PRKCB: variants seen among roughly 807,000 people sequenced by gnomAD.
PRKCB encodes the protein protein kinase C beta.
In PRKCB, 13 loss-of-function variants were observed where a neutral mutation model predicts 81.5. That is an observed-to-expected ratio of 0.16 (90% CI 0.10 to 0.25). The LOEUF (loss-of-function observed/expected upper bound fraction) is 0.25. PRKCB is among the 10% of genes least tolerant of loss of function. PRKCB has a pLI of 1.00. For synonymous variants in PRKCB, 335 were observed against 321.4 expected (o/e 1.04, Z -0.45); for missense variants, 509 against 875.7 (o/e 0.58, Z 5.29).
intron 16 of PRKCB, among the ~76,000 whole-genome samples, chr16:24,194,372 C>A (rs1967848302): frequency 6.6e-6 from 1 of 151,380 alleles, no homozygotes; most frequent in South Asian, 2.1e-4. Context: ...AAAAAAAAAA[C>A]CTCACAATTT....
chr16:23,842,203 C>T (rs1306155810), intron 2 of PRKCB, among the ~76,000 whole-genome samples: 1 of 152,062 alleles, frequency 6.6e-6, no homozygotes, highest in Non-Finnish European at 1.5e-5. Flanking sequence ...CTGATGGAGC[C>T]GCTTACTCCC....
At chr16:24,112,693 A>G (rs149457907) in intron 7 of PRKCB, among the ~76,000 whole-genome samples, 1 of 152,328 alleles carries the variant, frequency 6.6e-6, no homozygotes, top group South Asian at 2.1e-4. Flanking sequence ...GTAAGTGTGT[A>G]TAGAGAGAGA....
intron 9 of PRKCB, among the ~76,000 whole-genome samples, chr16:24,139,005 C>T (rs1966877146): frequency 6.6e-6 from 1 of 151,954 alleles, no homozygotes; most frequent in African/African-American, 2.4e-5. Flanking sequence ...GCATGCACCA[C>T]TATGCCCGGC....
chr16:24,185,246 G>A, intron 14 of PRKCB, 55 bp downstream of exon 14: 2 of 1,505,194 alleles, frequency 1.3e-6, no homozygotes, highest in Non-Finnish European at 1.8e-6. Context: ...CCATCCACAT[G>A]GTTTCTTTAG....
chr16:23,971,705 G>A (rs1964559383), intron 2 of PRKCB, among the ~76,000 whole-genome samples: 2 of 152,074 alleles, frequency 1.3e-5, no homozygotes, highest in Admixed American at 1.3e-4. Flanking sequence ...GTCATTTCAT[G>A]GGACTATACC....
intron 2 of PRKCB, among the ~76,000 whole-genome samples, chr16:23,943,078 A>G (rs195995): frequency 0.52 from 79,170 of 152,068 alleles, 21,443 homozygotes; most frequent in East Asian, 0.66. Flanking sequence ...AATGCCATGG[A>G]CAGGGGTGGC....
chr16:24,013,437 T>C (rs1459213247), intron 3 of PRKCB, among the ~76,000 whole-genome samples: 1 of 152,192 alleles, frequency 6.6e-6, no homozygotes, highest in Non-Finnish European at 1.5e-5. Flanking sequence ...TTGGGCGAGT[T>C]ACTTAACTTC....
intron 2 of PRKCB, among the ~76,000 whole-genome samples, chr16:23,902,157 G>A (rs1184976462): frequency 6.6e-6 from 1 of 152,054 alleles, no homozygotes; most frequent in Non-Finnish European, 1.5e-5. Context: ...GTAGGGTGGG[G>A]TGGGGCTCTT....
At chr16:23,912,096 C>T (rs760585481) in intron 2 of PRKCB, among the ~76,000 whole-genome samples, 9 of 151,754 alleles carry the variant, frequency 5.9e-5, no homozygotes, top group East Asian at 3.9e-4. Context: ...CCTCCCAAAG[C>T]GCTGGGATTA....
intron 3 of PRKCB, among the ~76,000 whole-genome samples, chr16:24,017,892 A>ATTTTTTT (rs35809970): frequency 4.4e-5 from 5 of 113,264 alleles, no homozygotes; most frequent in African/African-American, 7.0e-5. Context: ...ACCATAACTA[A>ATTTTTTT]TTTTTTTTTT....
chr16:23,998,324 T>C (rs937268642), intron 3 of PRKCB, among the ~76,000 whole-genome samples: 2 of 152,230 alleles, frequency 1.3e-5, no homozygotes, highest in African/African-American at 4.8e-5. Flanking sequence ...ACTGTAGGAC[T>C]TCTTGGCTTC....
chr16:23,939,862 C>T (rs376945322), intron 2 of PRKCB, among the ~76,000 whole-genome samples: 15 of 152,242 alleles, frequency 9.9e-5, no homozygotes, highest in South Asian at 6.2e-4. Flanking sequence ...CGGACTTCAT[C>T]GAAACTAAAC....
At chr16:24,208,095 T>A (rs1968075420) in intron 16 of PRKCB, 1 of 152,244 alleles carries the variant, frequency 6.6e-6, no homozygotes, top group Non-Finnish European at 1.5e-5. Context: ...AATGGCATAC[T>A]CCAGTCAGCG....
At position 24,210,999 on chromosome 16, in the gene PRKCB, T is replaced by A. The variant is rs558520984; in HGVS notation, c.1864-3659T>A. Reference sequence around the variant, plus strand: ...AGTAAATCCGTCTTGAATGAGAAAATGAATAAACAAATGAATGAATCTGGA... The same window carrying A: ...AGTAAATCCGTCTTGAATGAGAAAAAGAATAAACAAATGAATGAATCTGGA... On this transcript the variant is annotated intron_variant, in intron 16 of 16. Transcript: ENST00000643927. Among the ~76,000 whole-genome samples the A allele has an allele frequency of 2.1e-4, 32 of 152,068 alleles. No homozygotes were observed. In the South Asian group the frequency reaches 2.7e-3, roughly 13 times the overall value.
intron 3 of PRKCB, among the ~76,000 whole-genome samples, chr16:24,022,612 C>T (rs1404685854): frequency 6.6e-6 from 1 of 152,124 alleles, no homozygotes; most frequent in Non-Finnish European, 1.5e-5. Flanking sequence ...CTGCCTCAGC[C>T]TCCTGAGTAG....
intron 2 of PRKCB, among the ~76,000 whole-genome samples, chr16:23,938,170 T>A (rs1964087880): frequency 1.3e-5 from 2 of 152,200 alleles, no homozygotes; most frequent in Non-Finnish European, 2.9e-5. Flanking sequence ...ACACAGGGCC[T>A]GGATATATCT....
intron 8 of PRKCB, among the ~76,000 whole-genome samples, chr16:24,117,032 G>C (rs1966743559): frequency 6.8e-6 from 1 of 146,698 alleles, no homozygotes; most frequent in South Asian, 2.1e-4. Flanking sequence ...GCAAATGCTT[G>C]TTTATGCCTG....
At chr16:23,920,727 G>T (rs1003420205) in intron 2 of PRKCB, among the ~76,000 whole-genome samples, 7 of 152,154 alleles carry the variant, frequency 4.6e-5, no homozygotes, top group Non-Finnish European at 1.0e-4. Flanking sequence ...CAGGGGAAGG[G>T]GATGGAAGGG....
intron 15 of PRKCB, among the ~76,000 whole-genome samples, chr16:24,190,780 G>C (rs1465605794): frequency 6.6e-6 from 1 of 152,070 alleles, no homozygotes; most frequent in East Asian, 1.9e-4. Flanking sequence ...GCCTCCCAAA[G>C]TGCTGGGATT....
Sources: allele counts gnomAD v4.1 joint callset (sites outside exome capture counted in the v4.1 genomes callset), GRCh38; gene constraint gnomAD v4.1.1; transcripts MANE v1.5; gene names NCBI Gene and HGNC (gene_info 2026-07-23, HGNC 2026-07-21).